Variants in BRIP1 observed in about 807,000 individuals in gnomAD.
BRIP1 encodes the protein BRCA1 interacting DNA helicase 1, also known as Fanconi anemia group J protein.
In BRIP1, 88 loss-of-function variants were observed where a neutral mutation model predicts 119.7. The ratio of observed to expected loss-of-function variants is 0.74; its 90% CI spans 0.62 to 0.88. The LOEUF is 0.88. Ranked by LOEUF, BRIP1 falls within the 40% of genes least tolerant of loss-of-function variation. The pLI, the probability that BRIP1 is intolerant of heterozygous loss-of-function variation, is 0.00. For missense variants in BRIP1, 1,259 were observed against 1,455.4 expected, an observed-to-expected ratio of 0.87 and a Z score of 2.20; for synonymous variants, 443 against 496.5, an observed-to-expected ratio of 0.89 and a Z score of 1.43.
chr17:61,818,729 C>T (rs895724141), intron 6 of BRIP1, among the ~76,000 whole-genome samples: 2 of 152,100 alleles, frequency 1.3e-5, no homozygotes, highest in Non-Finnish European at 2.9e-5. Context: ...AAGCAGATCA[C>T]TCCCTTAAAA....
intron 6 of BRIP1, among the ~76,000 whole-genome samples, chr17:61,813,416 A>G (rs768707236): frequency 9.9e-5 from 15 of 152,060 alleles, no homozygotes; most frequent in Non-Finnish European, 2.9e-5. Flanking sequence ...CATAACTGTA[A>G]CTTAGCTTTT....
rs777050812 is a variant in BRIP1 at position 61,687,729 on chromosome 17, G to A, written c.2576-1564C>T. Among the ~76,000 whole-genome samples the A allele has an allele frequency of 7.2e-5, 11 of 151,952 alleles. No homozygotes were observed. The highest frequency in any genetic ancestry group is 1.2e-4 in the Non-Finnish European group (8 of 68,004). On this transcript the variant is annotated intron_variant, in intron 18 of 19. Coordinates refer to ENST00000259008, the MANE Select transcript of BRIP1 (RefSeq NM_032043.3). The surrounding 1 kb of genome is among the most constrained non-coding windows in gnomAD (Gnocchi z 5.1). ...CTGTTTACTGTTGGATGAAACCATC[G>A]AGTGAGAAAAAAATGATACTACTGC... is the stretch of plus-strand genomic sequence containing the variant.
rs984319768 is a variant in BRIP1 at position 61,851,265 on chromosome 17, C to T, written c.380-2009G>A. Among the ~76,000 whole-genome samples, 1 of 151,964 alleles carries T rather than the reference C, an allele frequency of 6.6e-6. No individual in the cohort carries two copies. Among genetic ancestry groups the T allele is most frequent in the Non-Finnish European group, 1.5e-5 (1 of 67,938 alleles). On this transcript the variant is annotated intron_variant, in intron 4 of 19. Transcript: ENST00000259008. This position sits in a 1 kb window ranked among gnomAD's most constrained non-coding sequence, Gnocchi z 4.6. ...AAAAAGAAATGTTGCTTAAAATTTC[C>T]AAAATAGGGATGAAAGACCCAGAAC... is the stretch of plus-strand genomic sequence containing the variant.
intron 16 of BRIP1, among the ~76,000 whole-genome samples, chr17:61,728,850 G>T (rs991081234): frequency 2.0e-5 from 3 of 152,168 alleles, no homozygotes; most frequent in Non-Finnish European, 4.4e-5. Context: ...AAAGGAACTG[G>T]CCTGTTATCT....
rs752691445 is a variant in BRIP1 at position 61,729,768 on chromosome 17, C to T, written c.2379+13245G>A. 6.6e-6 allele frequency among the ~76,000 whole-genome samples: 1 copy of T among 152,032 alleles called. No homozygotes were observed. Among genetic ancestry groups the T allele is most frequent in the African/African-American group, 2.4e-5 (1 of 41,386 alleles). ...CATTTGTATGCCTCACTATGTAAAACAGTGGTGCTCAACCGAGAGCAATTT... is the reference window on the plus strand; with the variant it reads ...CATTTGTATGCCTCACTATGTAAAATAGTGGTGCTCAACCGAGAGCAATTT... On this transcript the variant is annotated intron_variant, in intron 16 of 19. Transcript: ENST00000259008. This position sits in a 1 kb window ranked among gnomAD's most constrained non-coding sequence, Gnocchi z 5.6.
Position 61,680,480 on chromosome 17 carries a change from C to CTTTCTTTTTT in BRIP1, c.*2815_*2816insAAAAAAGAAA, listed in dbSNP as rs1555571892. On this transcript the variant is annotated 3_prime_UTR_variant, in exon 20 of 20. Transcript: ENST00000259008. ...AGTTTACCAATTCTAAAGGTAATTT[C>CTTTCTTTTTT]TTTTTTTTTTTTTTTTTGAGACGGA... 2.5e-4 allele frequency among the ~76,000 whole-genome samples: 31 copies of CTTTCTTTTTT among 124,056 alleles called. 1 individual carries two copies. The highest frequency in any genetic ancestry group is 3.8e-4 in the African/African-American group (12 of 31,734). 81.4% of individuals were successfully genotyped at this position (124,056 alleles called of 152,430 possible).
At position 61,740,720 on chromosome 17, in the gene BRIP1, C is replaced by A. The variant is rs868049845; in HGVS notation, c.2379+2293G>T. Among the ~76,000 whole-genome samples the A allele has an allele frequency of 4.6e-5, 7 of 152,178 alleles. No homozygotes were observed. The highest frequency in any genetic ancestry group is 1.7e-4 in the African/African-American group (7 of 41,446). On this transcript the variant is annotated intron_variant, in intron 16 of 19. Transcript: ENST00000259008. The surrounding 1 kb of genome is among the most constrained non-coding windows in gnomAD (Gnocchi z 5.4). ...CTGCAGTCTATTAAGTGGGCAACAG[C>A]ATTATGTCTCAAAAGCCAATGTATA...
At chr17:61,812,992 T>C (rs1161721667) in intron 6 of BRIP1, among the ~76,000 whole-genome samples, 1 of 152,092 alleles carries the variant, frequency 6.6e-6, no homozygotes, top group Non-Finnish European at 1.5e-5. Flanking sequence ...AAAAATACTA[T>C]GCCTAAATAC....
chr17:61,694,010 T>C (rs1225188612), intron 17 of BRIP1, among the ~76,000 whole-genome samples: 1 of 152,150 alleles, frequency 6.6e-6, no homozygotes, highest in Non-Finnish European at 1.5e-5. Context: ...CATCCTTGCA[T>C]TCCTAGTCAT....
chr17:61,780,413 C>T lies in BRIP1; in HGVS notation c.1795-12G>A, dbSNP rs762289143. The stretch of plus-strand genomic sequence containing the variant: ...ATATCTGAAAAGGCCTAAAAGAAAA[C>T]AACATTAGATAAATAAAATTATCTT... On this transcript the variant is annotated splice_polypyrimidine_tract_variant and intron_variant, in intron 12 of 19. Transcript: ENST00000259008. This position sits in a 1 kb window ranked among gnomAD's most constrained non-coding sequence, Gnocchi z 5.4. The T allele has an allele frequency of 4.4e-6, 7 of 1,601,620 alleles. No individual in the cohort carries two copies. The highest frequency in any genetic ancestry group is 6.0e-6 in the Non-Finnish European group (7 of 1,168,892).
Position 61,699,897 on chromosome 17 carries a change from T to C in BRIP1, c.2493-6385A>G, listed in dbSNP as rs1300954834. 6.6e-6 allele frequency among the ~76,000 whole-genome samples: 1 copy of C among 152,182 alleles called. No individual in the cohort carries two copies. Among genetic ancestry groups the C allele is most frequent in the Non-Finnish European group, 1.5e-5 (1 of 68,032 alleles). ...CCTGGGTGCTAATGAGTTCCTCTGA[T>C]TGGAAATATTTGACACATGTTGCCA... On this transcript the variant is annotated intron_variant, in intron 17 of 19. Transcript: ENST00000259008. This position sits in a 1 kb window ranked among gnomAD's most constrained non-coding sequence, Gnocchi z 4.8.
Position 61,730,422 on chromosome 17 carries a change from C to T in BRIP1, c.2379+12591G>A, listed in dbSNP as rs2076829092. Among the ~76,000 whole-genome samples, 1 of 152,120 alleles carries T rather than the reference C, an allele frequency of 6.6e-6. No individual in the cohort carries two copies. The highest frequency in any genetic ancestry group is 6.5e-5 in the Admixed American group (1 of 15,274). On this transcript the variant is annotated intron_variant, in intron 16 of 19. Transcript: ENST00000259008. This position sits in a 1 kb window ranked among gnomAD's most constrained non-coding sequence, Gnocchi z 4.3. ...CAGAGAAGCTAAAAAACAATCCCAC[C>T]ACTGCCCTTAAGGTAGAGCTGCTGA... is the stretch of plus-strand genomic sequence containing the variant.
Position 61,758,856 on chromosome 17 carries a change from A to T in BRIP1, c.2098-14265T>A, listed in dbSNP as rs184908813. On this transcript the variant is annotated intron_variant, in intron 14 of 19. Coordinates refer to ENST00000259008, the MANE Select transcript of BRIP1 (RefSeq NM_032043.3). The surrounding 1 kb of genome is among the most constrained non-coding windows in gnomAD (Gnocchi z 5.3). ...TATCTCTAAAAAAAAAAAAGTTTTT[A>T]AAAAATGTATCTGGGTGTGGTGGCA... Among the ~76,000 whole-genome samples the T allele has an allele frequency of 2.0e-4, 30 of 151,894 alleles. No individual in the cohort carries two copies. Among genetic ancestry groups the T allele is most frequent in the Admixed American group, 2.0e-3 (30 of 15,216 alleles).
In BRIP1 at chr17:61,762,689, T is replaced by C. The variant is rs2077295371; in HGVS notation, c.2097+13712A>G. Among the ~76,000 whole-genome samples the C allele has an allele frequency of 6.6e-6, 1 of 152,178 alleles. No individual in the cohort carries two copies. The highest frequency in any genetic ancestry group is 6.6e-5 in the Admixed American group (1 of 15,264). On this transcript the variant is annotated intron_variant, in intron 14 of 19. Coordinates refer to ENST00000259008, the MANE Select transcript of BRIP1 (RefSeq NM_032043.3). This position sits in a 1 kb window ranked among gnomAD's most constrained non-coding sequence, Gnocchi z 4.3. ...ATGATGAAACATTACCTTATGCCTG[T>C]AACAATGGCTACTGTCAAAAAGATG...
At position 61,718,536 on chromosome 17, in the gene BRIP1, G is replaced by C. The variant is rs7342949; in HGVS notation, c.2380-2473C>G. Among the ~76,000 whole-genome samples, 656 of 152,268 alleles carry C rather than the reference G, an allele frequency of 4.3e-3. 3 individuals carry two copies. The highest frequency in any genetic ancestry group is 0.015 in the African/African-American group (618 of 41,550). On this transcript the variant is annotated intron_variant, in intron 16 of 19. Coordinates refer to ENST00000259008, the MANE Select transcript of BRIP1 (RefSeq NM_032043.3). ...CAGTACTTGACCAAAAACTTAAGGG[G>C]ACGCCTATGCAGATACCTGGAGCTT...
rs876659099 is a variant in BRIP1 at position 61,686,118 on chromosome 17, C to G, written c.2623G>C (p.Glu875Gln). 4 of 1,613,996 alleles carry G rather than the reference C, an allele frequency of 2.5e-6. No individual in the cohort carries two copies. The highest frequency in any genetic ancestry group is 3.4e-6 in the Non-Finnish European group (4 of 1,179,934). Residue 875 changes from glutamate to glutamine, a missense_variant, in exon 19 of 20, where the codon GAA becomes CAA. By Grantham distance (29) the Glu-to-Gln change is conservative (BLOSUM62 2). This residue lies in a region of BRIP1 where 753 missense variants were observed against 891.8 expected (regional missense o/e 0.84). Coordinates refer to ENST00000259008, the MANE Select transcript of BRIP1 (RefSeq NM_032043.3). The surrounding 1 kb of genome is among the most constrained non-coding windows in gnomAD (Gnocchi z 5.4). ...RQQIQHHSTF[E>Q]SALESLAEFS... ...TCAGCCAAGGATTCCAGTGCACTTTCAAAGGTTGAATGGTGCTGAATCTGC... is the reference window on the plus strand; with the variant it reads ...TCAGCCAAGGATTCCAGTGCACTTTGAAAGGTTGAATGGTGCTGAATCTGC...
chr17:61,744,456 C>T lies in BRIP1; in HGVS notation c.2233G>A (p.Ala745Thr), dbSNP rs587780235. 67 of 1,613,708 alleles carry T rather than the reference C, an allele frequency of 4.2e-5. No individual in the cohort carries two copies. The highest frequency in any genetic ancestry group is 2.0e-4 in the Admixed American group (12 of 59,990). ...FDELLQVYYDAIKYKGEKDGA... is the reference protein window; with the variant it reads ...FDELLQVYYDTIKYKGEKDGA... ...CCTTTCTCTCCTTTGTATTTGATTG[C>T]GTCATAGTACACCTGCAGTAATTCA... The change falls in exon 15 of 20, where the codon GCA becomes ACA. Residue 745 changes from alanine to threonine, a missense_variant. By Grantham distance (58) the Ala-to-Thr change is moderately conservative. Coordinates refer to ENST00000259008, the MANE Select transcript of BRIP1 (RefSeq NM_032043.3). This position sits in a 1 kb window ranked among gnomAD's most constrained non-coding sequence, Gnocchi z 5.0.
At chr17:61,797,439 T>C (rs1194664619) in intron 9 of BRIP1, among the ~76,000 whole-genome samples, 2 of 152,030 alleles carry the variant, frequency 1.3e-5, no homozygotes, top group Non-Finnish European at 1.5e-5. Context: ...ATAACCTCTG[T>C]ATTTGGCAAT....
At position 61,799,136 on chromosome 17, in the gene BRIP1, T is replaced by C. The variant is rs730881636; in HGVS notation, c.1304A>G (p.His435Arg). ...MVNNNIRKKD[H>R]EPLRAVCCSL... ...ACAGCACACAGCTCGTAGGGGTTCATGATCTTTCTTCCTTATATTATTGTT... is the reference window on the plus strand; with the variant it reads ...ACAGCACACAGCTCGTAGGGGTTCACGATCTTTCTTCCTTATATTATTGTT... The change falls in exon 9 of 20, where the codon CAT (histidine) becomes CGT (arginine). Residue 435 changes from histidine to arginine, a missense_variant. By Grantham distance (29) the His-to-Arg change is conservative. Coordinates refer to ENST00000259008, the MANE Select transcript of BRIP1 (RefSeq NM_032043.3). The surrounding 1 kb of genome is among the most constrained non-coding windows in gnomAD (Gnocchi z 5.1). 1.9e-6 allele frequency: 3 copies of C among 1,613,370 alleles called. No homozygotes were observed. Among genetic ancestry groups the C allele is most frequent in the East Asian group, 2.2e-5 (1 of 44,868 alleles).
Sources: gnomAD v4.1 joint callset for allele counts (sites outside exome capture counted in the v4.1 genomes callset) on GRCh38, gnomAD v4.1.1 for gene constraint, gnomAD v4.1.1 regional missense constraint, Gnocchi (gnomAD v3.1) non-coding constraint, MANE v1.5 for transcripts, NCBI Gene and HGNC (gene_info 2026-07-23, HGNC 2026-07-21) for gene names.